The following FOXP2 variants were observed in gnomAD, a reference collection of about 807,000 sequenced individuals.
FOXP2 encodes the protein forkhead box protein P2.
In FOXP2, 12 loss-of-function variants were observed where a neutral mutation model predicts 115.8. The observed-to-expected ratio is 0.10, with a 90% CI of 0.07 to 0.17. The LOEUF is 0.17. FOXP2 is among the 10% of genes least tolerant of loss of function. The pLI, the probability that FOXP2 is intolerant of heterozygous loss-of-function variation, is 1.00. For missense variants in FOXP2, 629 were observed against 843.5 expected (o/e 0.75, Z 3.15); for synonymous variants, 328 against 297.7 (o/e 1.10, Z -1.05).
At chr7:114,550,964 C>T (rs543160970) in intron 3 of FOXP2, among the ~76,000 whole-genome samples, 47 of 150,930 alleles carry the variant, frequency 3.1e-4, no homozygotes, top group Admixed American at 1.5e-3. Flanking sequence ...TAGACTAAAG[C>T]AGAAGTGGCT....
chr7:114,278,859 A>G (rs955231313), intron 1 of FOXP2, among the ~76,000 whole-genome samples: 1 of 152,208 alleles, frequency 6.6e-6, no homozygotes, highest in African/African-American at 2.4e-5. Flanking sequence ...CTCTCAGAAG[A>G]AAATCCAGTG....
At chr7:114,176,885 A>G (rs573643081) in intron 1 of FOXP2, among the ~76,000 whole-genome samples, 1 of 152,104 alleles carries the variant, frequency 6.6e-6, no homozygotes, top group African/African-American at 2.4e-5. Flanking sequence ...GGGTAACCAT[A>G]TTCTTACCCT....
intron 2 of FOXP2, among the ~76,000 whole-genome samples, chr7:114,510,761 G>C (rs1408048611): frequency 2.0e-5 from 3 of 152,120 alleles, no homozygotes; most frequent in African/African-American, 7.2e-5. Context: ...GTTGGTGGGA[G>C]TATAAATTAC....
chr7:114,124,237 A>G, intron 1 of FOXP2, among the ~76,000 whole-genome samples: 1 of 152,034 alleles, frequency 6.6e-6, no homozygotes, highest in Non-Finnish European at 1.5e-5. Flanking sequence ...TTTCACTCCT[A>G]CTTACAAGCA....
intron 3 of FOXP2, among the ~76,000 whole-genome samples, chr7:114,586,136 T>A (rs1802118318): frequency 6.6e-6 from 1 of 152,178 alleles, no homozygotes; most frequent in African/African-American, 2.4e-5. Context: ...AAAATACAAC[T>A]AACTTGCTTG....
intron 3 of FOXP2, among the ~76,000 whole-genome samples, chr7:114,554,070 T>C (rs1184636860): frequency 6.6e-6 from 1 of 152,090 alleles, no homozygotes; most frequent in East Asian, 1.9e-4. Flanking sequence ...ATACCAAAAA[T>C]GTAAGGGATA....
intron 10 of FOXP2, among the ~76,000 whole-genome samples, chr7:114,655,539 G>A (rs181517303): frequency 1.8e-3 from 275 of 152,162 alleles, no homozygotes; most frequent in African/African-American, 6.3e-3. Context: ...CTGAAGTGAG[G>A]AACTGCACTA....
At chr7:114,101,741 T>G (rs1439770131) in intron 1 of FOXP2, among the ~76,000 whole-genome samples, 1 of 152,146 alleles carries the variant, frequency 6.6e-6, no homozygotes, top group East Asian at 1.9e-4. Context: ...TCCAAGGTTA[T>G]CAGCTGTGGT....
rs376800505 is a variant in FOXP2, at chr7:114,662,118, T to C, written c.1701T>C (p.Asn567=). The C allele has an allele frequency of 5.6e-6, 9 of 1,612,746 alleles. 1 individual carries two copies. The highest frequency in any genetic ancestry group is 1.3e-5 in the African/African-American group (1 of 74,802). Residue 567 remains asparagine (N), a synonymous_variant, in exon 14 of 17, where the codon AAT becomes AAC. Coordinates refer to ENST00000350908, the MANE Select transcript of FOXP2 (RefSeq NM_014491.4). ...SLHKCFVRVE[N]VKGAVWTVDE... is the part of the protein sequence containing the mutation. ...ACAAGTGTTTTGTTCGAGTAGAAAA[T>C]GTTAAAGGAGCAGTATGGACTGTGG...
At chr7:114,528,000 T>A (rs1289555127) in intron 2 of FOXP2, among the ~76,000 whole-genome samples, 1 of 152,098 alleles carries the variant, frequency 6.6e-6, no homozygotes, top group Non-Finnish European at 1.5e-5. Flanking sequence ...TTCAGTATTG[T>A]CCTGGGCCAG....
intron 1 of FOXP2, among the ~76,000 whole-genome samples, chr7:114,420,480 A>G (rs1336647834): frequency 6.6e-6 from 1 of 151,906 alleles, no homozygotes; most frequent in Non-Finnish European, 1.5e-5. Context: ...TTTCTTCTTC[A>G]GGCAAAGACA....
rs76592234 is a variant in FOXP2, at chr7:114,467,001, C to T, written c.168+40322C>T. Reference sequence around the variant, plus strand: ...AAAGCATAGAAAGTCTGAGTAGTGACTGTCTAGGATCAGCAAGTATGCTCA... The same window carrying T: ...AAAGCATAGAAAGTCTGAGTAGTGATTGTCTAGGATCAGCAAGTATGCTCA... On this transcript the variant is annotated intron_variant, in intron 2 of 16. Coordinates refer to ENST00000350908, the MANE Select transcript of FOXP2 (RefSeq NM_014491.4). 6.5e-3 allele frequency among the ~76,000 whole-genome samples: 994 copies of T among 152,328 alleles called. 11 individuals carry two copies. The highest frequency in any genetic ancestry group is 0.023 in the African/African-American group (948 of 41,570).
In FOXP2 at chr7:114,361,766, T is replaced by C. The variant is rs181352104; in HGVS notation, c.-10-64736T>C. Among the ~76,000 whole-genome samples, 11 of 152,218 alleles carry C rather than the reference T, an allele frequency of 7.2e-5. No homozygotes were observed. The East Asian group carries it at 1.9e-3, about 27-fold the overall frequency. ...TTAAAAACTTGTTTGCAAAGTGTTA[T>C]GAAAGCAAAGTAAAAGCCCACTCCA... is the stretch of plus-strand genomic sequence containing the variant. On this transcript the variant is annotated intron_variant, in intron 2 of 17. Transcript: ENST00000634411.
intron 2 of FOXP2, among the ~76,000 whole-genome samples, chr7:114,402,371 T>C (rs1025332965): frequency 6.6e-6 from 1 of 152,072 alleles, no homozygotes; most frequent in Non-Finnish European, 1.5e-5. Context: ...TCAAGATGCT[T>C]TCAAGAGAGG....
At chr7:114,588,314 AAAAC>A (rs1487840296) in intron 3 of FOXP2, among the ~76,000 whole-genome samples, 1 of 151,974 alleles carries the variant, frequency 6.6e-6, no homozygotes, top group Admixed American at 6.6e-5. Flanking sequence ...TCAAAAAACA[AAAAC>A]AAAAACAAAA....
intron 1 of FOXP2, among the ~76,000 whole-genome samples, chr7:114,141,378 G>A (rs932794802): frequency 1.3e-5 from 2 of 152,208 alleles, no homozygotes; most frequent in African/African-American, 4.8e-5. Flanking sequence ...AGAAACTCTT[G>A]CTAGAGCCTC....
chr7:114,240,184 T>C (rs1362222626), intron 1 of FOXP2, among the ~76,000 whole-genome samples: 1 of 152,194 alleles, frequency 6.6e-6, no homozygotes, highest in Non-Finnish European at 1.5e-5. Flanking sequence ...AAAGAAACAA[T>C]GGCACTTGAA....
chr7:114,519,326 T>C (rs187304124), intron 2 of FOXP2, among the ~76,000 whole-genome samples: 1 of 152,240 alleles, frequency 6.6e-6, no homozygotes, highest in East Asian at 1.9e-4. Flanking sequence ...GTATTTTGGA[T>C]TTGTCCTCAA....
intron 2 of FOXP2, among the ~76,000 whole-genome samples, chr7:114,378,701 A>AAAAAAAAAAAAAAAAAAAAAAG (rs1554380027): frequency 9.4e-6 from 1 of 106,752 alleles, no homozygotes; most frequent in African/African-American, 3.6e-5. Flanking sequence ...AAAAAAAAAA[A>AAAAAAAAAAAAAAAAAAAAAAG]GGAAAAGAAA....
Sources: gnomAD v4.1 joint callset for allele counts (sites outside exome capture counted in the v4.1 genomes callset) on GRCh38, gnomAD v4.1.1 for gene constraint, MANE v1.5 for transcripts, NCBI Gene and HGNC (gene_info 2026-07-23, HGNC 2026-07-21) for gene names.